Variants in ARFGEF3 observed in about 807,000 individuals in gnomAD.
ARFGEF3 encodes brefeldin A-inhibited guanine nucleotide-exchange protein 3.
Under a neutral mutation model 221.7 loss-of-function variants are expected in ARFGEF3, and 96 were observed. That is an observed-to-expected ratio of 0.43 (90% CI 0.37 to 0.51). The LOEUF (loss-of-function observed/expected upper bound fraction) is 0.51, where lower values mean the gene tolerates loss of function less well. Ranked by LOEUF, ARFGEF3 falls within the 20% of genes least tolerant of loss-of-function variation. The pLI is 0.00. For missense variants in ARFGEF3, 2,410 were observed against 2,789.9 expected, an observed-to-expected ratio of 0.86 and a Z score of 3.07; for synonymous variants, 1,145 against 1,126.8, an observed-to-expected ratio of 1.02 and a Z score of -0.32.
chr6:138,221,181 G>T (rs181588885), intron 4 of ARFGEF3, among the ~76,000 whole-genome samples: 60 of 152,298 alleles, frequency 3.9e-4, no homozygotes, highest in African/African-American at 1.4e-3. Context: ...CATGGTGGCA[G>T]TGGCAGGGAA....
chr6:138,335,735 A>G (rs1780310605), intron 33 of ARFGEF3, among the ~76,000 whole-genome samples: 2 of 152,190 alleles, frequency 1.3e-5, no homozygotes, highest in African/African-American at 2.4e-5. Context: ...TTTGACTAGC[A>G]TTGAGTTCTT....
chr6:138,300,192 A>T (rs1030326456), intron 22 of ARFGEF3, among the ~76,000 whole-genome samples: 1 of 152,234 alleles, frequency 6.6e-6, no homozygotes, highest in African/African-American at 2.4e-5. Flanking sequence ...AAGCCTAGTA[A>T]GTTTAAGGAA....
intron 32 of ARFGEF3, among the ~76,000 whole-genome samples, chr6:138,331,252 AAAC>A (rs139312892): frequency 0.15 from 22,753 of 152,202 alleles, 2,937 homozygotes; most frequent in African/African-American, 0.36. Flanking sequence ...CAGTTAAGCA[AAAC>A]AAAATAAGCA....
At chr6:138,281,682 A>G (rs1779199598) in intron 14 of ARFGEF3, among the ~76,000 whole-genome samples, 2 of 152,232 alleles carry the variant, frequency 1.3e-5, no homozygotes, top group Admixed American at 1.3e-4. Context: ...TCCGTGGTGT[A>G]TATGGACCAC....
At position 138,287,308 on chromosome 6, in the gene ARFGEF3, C is replaced by A. The variant is rs568617206; in HGVS notation, c.2896+124C>A. The A allele has an allele frequency of 5.4e-5, 37 of 684,994 alleles. No homozygotes were observed. In the Admixed American group the frequency reaches 7.1e-4, roughly 13 times the overall value. 42.4% of individuals were successfully genotyped at this position (684,994 alleles called of 1,614,324 possible). A position where few individuals can be genotyped will look rare whatever the true frequency, so the allele number is the denominator to read the frequency against. On this transcript the variant is annotated intron_variant, in intron 17 of 33. Transcript: ENST00000251691. ...GTGTGTGATGCCCGGTATGTATACACCACTGATCACGAGATCCCATTGAGC... is the reference window on the plus strand; with the variant it reads ...GTGTGTGATGCCCGGTATGTATACAACACTGATCACGAGATCCCATTGAGC...
chr6:138,272,733 T>C (rs558860077), intron 12 of ARFGEF3, among the ~76,000 whole-genome samples: 35 of 152,362 alleles, frequency 2.3e-4, no homozygotes, highest in African/African-American at 7.7e-4. Context: ...TGTAATCTTA[T>C]CACGAAGGTT....
intron 11 of ARFGEF3, among the ~76,000 whole-genome samples, chr6:138,262,237 T>C (rs1482556625): frequency 6.7e-6 from 1 of 149,752 alleles, no homozygotes; most frequent in Non-Finnish European, 1.5e-5. Context: ...TCACCCAGGC[T>C]GGAGTGCAGT....
chr6:138,241,558 A>G (rs994524601), intron 6 of ARFGEF3, among the ~76,000 whole-genome samples: 23 of 152,222 alleles, frequency 1.5e-4, no homozygotes, highest in Non-Finnish European at 2.8e-4. Flanking sequence ...AGACAGCCAC[A>G]GGTGTGTCAG....
chr6:138,278,697 G>A, intron 13 of ARFGEF3, 80 bp downstream of exon 13: 1 of 1,474,216 alleles, frequency 6.8e-7, no homozygotes, highest in East Asian at 2.3e-5. Flanking sequence ...AGTGCCCTGA[G>A]TGGGATGGCA....
intron 4 of ARFGEF3, among the ~76,000 whole-genome samples, chr6:138,229,445 A>G (rs77003458): frequency 0.033 from 5,023 of 152,332 alleles, 136 homozygotes; most frequent in African/African-American, 0.068. Flanking sequence ...TAAGCCTGGC[A>G]TTTTTAAAAT....
chr6:138,329,955 AT>A (rs1780194963), intron 32 of ARFGEF3, among the ~76,000 whole-genome samples: 1 of 151,030 alleles, frequency 6.6e-6, no homozygotes, highest in African/African-American at 2.4e-5. Context: ...GTTTTATAGG[AT>A]TTGGGTAGGT....
intron 26 of ARFGEF3, among the ~76,000 whole-genome samples, chr6:138,315,243 A>C (rs1779902584): frequency 1.3e-5 from 2 of 152,188 alleles, no homozygotes; most frequent in Non-Finnish European, 2.9e-5. Flanking sequence ...ATGATTTTAA[A>C]GAATTTGTTT....
chr6:138,213,554 G>T (rs7769964), intron 4 of ARFGEF3, among the ~76,000 whole-genome samples: 1,758 of 150,998 alleles, frequency 0.012, 30 homozygotes, highest in African/African-American at 0.04. Context: ...GAACCCAAAA[G>T]ATATTATGTT....
intron 10 of ARFGEF3, among the ~76,000 whole-genome samples, chr6:138,256,905 C>T (rs1289404471): frequency 6.6e-6 from 1 of 152,082 alleles, no homozygotes; most frequent in Non-Finnish European, 1.5e-5. Context: ...CTACCTCAGT[C>T]TCCTGAGTAG....
intron 31 of ARFGEF3, among the ~76,000 whole-genome samples, chr6:138,325,025 C>T (rs1780104530): frequency 6.6e-6 from 1 of 152,162 alleles, no homozygotes; most frequent in African/African-American, 2.4e-5. Context: ...CTAAATATTC[C>T]ATCATGTAAT....
chr6:138,302,493 C>T (rs894323802), intron 22 of ARFGEF3, among the ~76,000 whole-genome samples: 26 of 152,000 alleles, frequency 1.7e-4, no homozygotes, highest in Non-Finnish European at 3.5e-4. Context: ...ATGGGAGTCC[C>T]AGGTAGAAAA....
At chr6:138,294,680 G>A (rs992330054) in intron 20 of ARFGEF3, among the ~76,000 whole-genome samples, 2 of 152,220 alleles carry the variant, frequency 1.3e-5, no homozygotes, top group East Asian at 1.9e-4. Context: ...CCTCTTGAAG[G>A]CCAGTCTTGT....
chr6:138,298,622 A>G lies in ARFGEF3; in HGVS notation c.3665A>G (p.Glu1222Gly). The G allele has an allele frequency of 6.2e-7, 1 of 1,612,736 alleles. No individual in the cohort carries two copies. The change falls in exon 22 of 34, where the codon GAA (glutamate) becomes GGA (glycine). Residue 1222 changes from glutamate (E) to glycine (G), a missense_variant. This residue lies in a region of ARFGEF3 where 723 missense variants were observed against 991.9 expected (regional missense o/e 0.73). Coordinates refer to ENST00000251691, the MANE Select transcript of ARFGEF3 (RefSeq NM_020340.5). ...ATTTTGCAGGCTGCTTGCCATAAGG[A>G]AAGACATGTGTCTCAGAAGGCTGTT... is the stretch of plus-strand genomic sequence containing the variant. ...PHLVEAACHK[E>G]RHVSQKAVSF... is the part of the protein sequence containing the mutation.
intron 27 of ARFGEF3, among the ~76,000 whole-genome samples, chr6:138,318,600 T>G (rs1350401831): frequency 1.3e-5 from 2 of 152,200 alleles, no homozygotes; most frequent in African/African-American, 2.4e-5. Context: ...TGAAATTTTA[T>G]GCAATTATAA....
Sources: gnomAD v4.1 joint callset for allele counts (sites outside exome capture counted in the v4.1 genomes callset) on GRCh38, gnomAD v4.1.1 for gene constraint, gnomAD v4.1.1 regional missense constraint, MANE v1.5 for transcripts, NCBI Gene and HGNC (gene_info 2026-07-23, HGNC 2026-07-21) for gene names.